FGF14: variants seen among roughly 807,000 people sequenced by gnomAD.
FGF14 encodes the protein fibroblast growth factor 14.
Under a neutral mutation model 25.5 loss-of-function variants are expected in FGF14, and 5 were observed. That is an observed-to-expected ratio of 0.20 (90% CI 0.10 to 0.41). FGF14 has a LOEUF of 0.41. Among genes scored for constraint, FGF14 ranks in the 10% least tolerant of loss-of-function variants. The pLI, the probability that FGF14 is intolerant of heterozygous loss-of-function variation, is 1.00. For synonymous variants in FGF14, 138 were observed against 118.3 expected, an observed-to-expected ratio of 1.17 and a Z score of -1.08; for missense variants, 222 against 320.1, an observed-to-expected ratio of 0.69 and a Z score of 2.34.
chr13:101,856,654 A>G (rs565676133), intron 3 of FGF14, among the ~76,000 whole-genome samples: 2 of 152,158 alleles, frequency 1.3e-5, no homozygotes, highest in East Asian at 1.9e-4. Context: ...ATAAATTTGC[A>G]TCTTTGCATT....
intron 3 of FGF14, among the ~76,000 whole-genome samples, chr13:101,776,177 G>T (rs990161731): frequency 6.6e-6 from 1 of 152,098 alleles, no homozygotes; most frequent in Non-Finnish European, 1.5e-5. Flanking sequence ...GATATCAGAG[G>T]GCAGCTTTCT....
intron 1 of FGF14, among the ~76,000 whole-genome samples, chr13:102,284,656 A>G (rs914623856): frequency 3.8e-4 from 58 of 152,192 alleles, no homozygotes; most frequent in African/African-American, 1.4e-3. Context: ...GTACAAGTAC[A>G]GAAAGCCATC....
At position 101,719,094 on chromosome 13, in the gene FGF14, TGTG is replaced by T. The variant is rs1424016589; in HGVS notation, c.*3734_*3736del. The T allele has an allele frequency of 6.6e-6, 1 of 152,162 alleles. No homozygotes were observed. Among genetic ancestry groups the T allele is most frequent in the Non-Finnish European group, 1.5e-5 (1 of 68,018 alleles). The allele number at this position is 152,162 out of a possible 1,614,324, so 9.4% of individuals were successfully genotyped here. ...TTGTTCTCAACTGGATGTTAGTCAA[TGTG>T]GTCTCTTTTTGAATATGTATCAAAT... On this transcript the variant is annotated 3_prime_UTR_variant, in exon 5 of 5. Transcript: ENST00000376143.
chr13:102,184,667 C>T (rs563031057), intron 1 of FGF14, among the ~76,000 whole-genome samples: 1 of 152,080 alleles, frequency 6.6e-6, no homozygotes, highest in African/African-American at 2.4e-5. Context: ...ATTTGCCTAT[C>T]AAATGAAAGA....
At chr13:102,034,909 A>G (rs1463741675) in intron 1 of FGF14, among the ~76,000 whole-genome samples, 1 of 152,090 alleles carries the variant, frequency 6.6e-6, no homozygotes, top group Admixed American at 6.6e-5. Context: ...TTATTGTTCC[A>G]TTTTGCAAAT....
chr13:102,306,573 A>T (rs2055392714), intron 1 of FGF14, among the ~76,000 whole-genome samples: 1 of 152,160 alleles, frequency 6.6e-6, no homozygotes, highest in East Asian at 1.9e-4. Flanking sequence ...TTGACAAGGT[A>T]AGAGGGGACC....
chr13:101,960,601 A>G (rs900240676), intron 1 of FGF14, among the ~76,000 whole-genome samples: 2 of 152,180 alleles, frequency 1.3e-5, no homozygotes, highest in Non-Finnish European at 2.9e-5. Flanking sequence ...ACTGATGGGC[A>G]TTTAGGTTGA....
intron 3 of FGF14, among the ~76,000 whole-genome samples, chr13:101,804,992 A>G (rs530442852): frequency 2.0e-5 from 3 of 152,258 alleles, no homozygotes; most frequent in African/African-American, 7.2e-5. Context: ...GAGAAGTCAC[A>G]TGCTGAAATA....
At chr13:102,095,827 G>A (rs898146472) in intron 1 of FGF14, among the ~76,000 whole-genome samples, 2 of 152,080 alleles carry the variant, frequency 1.3e-5, no homozygotes, top group Admixed American at 1.3e-4. Flanking sequence ...TTAATCAACT[G>A]TTGATATTAA....
chr13:102,338,013 G>A (rs765617172), intron 1 of FGF14, among the ~76,000 whole-genome samples: 6 of 151,814 alleles, frequency 4.0e-5, no homozygotes, highest in African/African-American at 7.3e-5. Flanking sequence ...TACTGTGCTC[G>A]TCTGCAATAT....
chr13:101,937,568 T>C lies in FGF14; in HGVS notation c.209-62272A>G, dbSNP rs79874944. On this transcript the variant is annotated intron_variant, in intron 1 of 4. Coordinates refer to the FGF14 transcript ENST00000376131. ...CGTGGACTGCTAGCATCCAGATCTA[T>C]GAGAAAATTCATTGCTGTTTTTTGT... Among the ~76,000 whole-genome samples the C allele has an allele frequency of 5.9e-5, 9 of 152,082 alleles. No homozygotes were observed. The East Asian group carries it at 1.8e-3, about 30-fold the overall frequency.
intron 1 of FGF14, among the ~76,000 whole-genome samples, chr13:102,238,637 G>A (rs1199940694): frequency 6.6e-6 from 1 of 152,210 alleles, no homozygotes; most frequent in African/African-American, 2.4e-5. Flanking sequence ...GTATTTCCAT[G>A]TTGTTATAGC....
intron 1 of FGF14, among the ~76,000 whole-genome samples, chr13:102,232,320 C>T (rs2051122131): frequency 6.6e-6 from 1 of 152,188 alleles, no homozygotes; most frequent in African/African-American, 2.4e-5. Flanking sequence ...TTCACATCCA[C>T]ATCAACAACA....
intron 1 of FGF14, among the ~76,000 whole-genome samples, chr13:102,036,288 A>AGGATAT (rs1293699740): frequency 1.3e-5 from 2 of 152,150 alleles, no homozygotes; most frequent in African/African-American, 4.8e-5. Context: ...TTGGTAAAAG[A>AGGATAT]GGATATGCTA....
intron 3 of FGF14, among the ~76,000 whole-genome samples, chr13:101,814,684 T>G (rs1277139963): frequency 2.0e-5 from 3 of 152,224 alleles, no homozygotes; most frequent in Non-Finnish European, 4.4e-5. Context: ...ATTTAGTGTT[T>G]CATGCTTGGC....
intron 1 of FGF14, among the ~76,000 whole-genome samples, chr13:102,152,313 G>A (rs1450647124): frequency 6.6e-6 from 1 of 152,172 alleles, no homozygotes; most frequent in Non-Finnish European, 1.5e-5. Flanking sequence ...ACCACAGATT[G>A]GGTTGCTTAA....
In FGF14 at chr13:101,916,670, G is replaced by T. The variant is rs1449792463; in HGVS notation, c.-25C>A. 4 of 1,494,530 alleles carry T rather than the reference G, an allele frequency of 2.7e-6. No homozygotes were observed. Among genetic ancestry groups the T allele is most frequent in the Middle Eastern group, 1.9e-4 (1 of 5,198 alleles). The allele number at this position is 1,494,530 out of a possible 1,614,324, so 92.6% of individuals were successfully genotyped here. On this transcript the variant is annotated 5_prime_UTR_variant, in exon 1 of 5. Coordinates refer to ENST00000376143, the MANE Select transcript of FGF14 (RefSeq NM_004115.4). ...TGGTGGCCCCGGGAACGGGTCCGGG[G>T]AGGGAGGGCGCGGGAGGACGGCGAG...
chr13:101,960,025 A>C (rs1009229719), intron 1 of FGF14, among the ~76,000 whole-genome samples: 1 of 152,248 alleles, frequency 6.6e-6, no homozygotes, highest in Non-Finnish European at 1.5e-5. Flanking sequence ...TATAGTAACG[A>C]ACATATTTAT....
At chr13:102,106,106 A>T (rs906560813) in intron 1 of FGF14, among the ~76,000 whole-genome samples, 7 of 152,168 alleles carry the variant, frequency 4.6e-5, no homozygotes, top group Admixed American at 6.5e-5. Flanking sequence ...AGCTAGAAAA[A>T]ATATTATTCC....
Sources: allele counts gnomAD v4.1 joint callset (sites outside exome capture counted in the v4.1 genomes callset), GRCh38; gene constraint gnomAD v4.1.1; transcripts MANE v1.5; gene names NCBI Gene and HGNC (gene_info 2026-07-23, HGNC 2026-07-21).